QPCT: variants seen among roughly 807,000 people sequenced by gnomAD.
QPCT encodes EC.
In QPCT, 44 loss-of-function variants were observed where a neutral mutation model predicts 43.4. The observed-to-expected ratio is 1.01, with a 90% CI of 0.80 to 1.30. The LOEUF (loss-of-function observed/expected upper bound fraction) is 1.30. Among genes scored for constraint, QPCT ranks in the 50% most tolerant of loss-of-function variants. QPCT has a pLI of 0.00. For missense variants in QPCT, 526 were observed against 436.5 expected (o/e 1.21, Z -1.83); for synonymous variants, 168 against 168.4 (o/e 1.00, Z 0.02).
intron 1 of QPCT, among the ~76,000 whole-genome samples, chr2:37,346,483 T>C (rs1479790836): frequency 6.6e-6 from 1 of 152,188 alleles, no homozygotes; most frequent in East Asian, 1.9e-4. Context: ...AGATGGAAAC[T>C]GAACAAACCA....
chr2:37,359,592 C>T lies in QPCT; in HGVS notation c.280C>T (p.Arg94Ter), dbSNP rs754761316. The T allele has an allele frequency of 2.9e-5, 46 of 1,613,562 alleles. No individual in the cohort carries two copies. The highest frequency in any genetic ancestry group is 9.9e-5 in the South Asian group (9 of 91,068). The change falls in exon 3 of 7, where the codon CGA becomes TGA. Residue 94 changes from arginine (R) to a stop codon, truncating the protein, a stop_gained. Coordinates refer to ENST00000338415, the MANE Select transcript of QPCT (RefSeq NM_012413.4). LOFTEE classifies it high-confidence loss of function. ...SYAARQHIMQ[R>*]IQRLQADWVL... is the part of the protein sequence containing the mutation. ...TTGTTTTGATCAGCACATCATGCAG[C>T]GAATTCAGAGGCTTCAGGCTGACTG...
At chr2:37,350,599 C>G (rs1672599389) in intron 1 of QPCT, among the ~76,000 whole-genome samples, 1 of 152,320 alleles carries the variant, frequency 6.6e-6, no homozygotes, top group South Asian at 2.1e-4. Context: ...CAGAGTAAAA[C>G]TAGCATGGGA....
At chr2:37,351,597 C>T (rs1319320611) in intron 1 of QPCT, among the ~76,000 whole-genome samples, 3 of 152,092 alleles carry the variant, frequency 2.0e-5, no homozygotes. Context: ...AATAATGACT[C>T]AGGGCTGGGT....
chr2:37,346,606 G>A (rs1672493826), intron 1 of QPCT, among the ~76,000 whole-genome samples: 3 of 152,300 alleles, frequency 2.0e-5, no homozygotes, highest in Non-Finnish European at 2.9e-5. Flanking sequence ...TTTGAGAAAC[G>A]TCTTTTAAAG....
chr2:37,359,495 G>T (rs1240560383), intron 2 of QPCT, 85 bp from the exon 3 acceptor site: 17 of 1,260,058 alleles, frequency 1.3e-5, no homozygotes, highest in Non-Finnish European at 1.9e-5. Context: ...AATTTGAAAG[G>T]CACTACTTAA....
chr2:37,359,166 C>A (rs1338788901), intron 2 of QPCT, among the ~76,000 whole-genome samples: 2 of 151,772 alleles, frequency 1.3e-5, no homozygotes, highest in Non-Finnish European at 2.9e-5. Flanking sequence ...AGGAGAAAAG[C>A]AAGGGGAGAG....
intron 3 of QPCT, among the ~76,000 whole-genome samples, chr2:37,364,224 G>C (rs1369823010): frequency 6.6e-6 from 1 of 152,160 alleles, no homozygotes; most frequent in African/African-American, 2.4e-5. Flanking sequence ...TGCCCTAGAA[G>C]TTGCTTAAAG....
intron 2 of QPCT, among the ~76,000 whole-genome samples, chr2:37,357,955 A>C (rs1251487575): frequency 6.6e-6 from 1 of 152,204 alleles, no homozygotes; most frequent in Non-Finnish European, 1.5e-5. Context: ...TCCCAGATCT[A>C]AACTGTCTAG....
At chr2:37,368,694 C>T in intron 4 of QPCT, 4 of 470,972 alleles carry the variant, frequency 8.5e-6, no homozygotes, top group Non-Finnish European at 1.8e-5. Flanking sequence ...TGCCCAAGTG[C>T]CCAAAAAGCA....
At position 37,371,431 on chromosome 2, in the gene QPCT, C is replaced by CAAAAA. The variant is rs3050580; in HGVS notation, c.824-908_824-904dup. 1.2e-3 allele frequency among the ~76,000 whole-genome samples: 82 copies of CAAAAA among 69,330 alleles called. 6 individuals carry two copies. Among genetic ancestry groups the CAAAAA allele is most frequent in the East Asian group, 8.8e-3 (20 of 2,280 alleles). The allele number at this position is 69,330 out of a possible 152,430, so 45.5% of individuals were successfully genotyped here. A position where few individuals can be genotyped will look rare whatever the true frequency, so the allele number is the denominator to read the frequency against. On this transcript the variant is annotated intron_variant, in intron 5 of 6. Transcript: ENST00000338415. Reference sequence around the variant, plus strand: ...CCTGGGCGACAGCGAGACTCCATCTCAAAAAAAAAAAAAAAAAAAAAGAAA... The same window carrying CAAAAA: ...CCTGGGCGACAGCGAGACTCCATCTCAAAAAAAAAAAAAAAAAAAAAAAAAAGAAA...
At position 37,347,181 on chromosome 2, in the gene QPCT, CATAT is replaced by C. The variant is rs1183593319; in HGVS notation, c.120+2338_120+2341del. On this transcript the variant is annotated intron_variant, in intron 1 of 6. Coordinates refer to ENST00000338415, the MANE Select transcript of QPCT (RefSeq NM_012413.4). The stretch of plus-strand genomic sequence containing the variant: ...ATATATATAACATATATATATATAA[CATAT>C]ATATATAACATATATATATAACATA... Among the ~76,000 whole-genome samples the C allele has an allele frequency of 1.6e-4, 6 of 36,796 alleles. 1 individual carries two copies. The highest frequency in any genetic ancestry group is 2.1e-4 in the Non-Finnish European group (5 of 23,692). 24.1% of individuals were successfully genotyped at this position (36,796 alleles called of 152,430 possible). A position where few individuals can be genotyped will look rare whatever the true frequency, so the allele number is the denominator to read the frequency against.
chr2:37,345,284 G>A (rs1384584565), intron 1 of QPCT, among the ~76,000 whole-genome samples: 10 of 146,210 alleles, frequency 6.8e-5, no homozygotes, highest in Admixed American at 6.8e-4. Context: ...CCCCCCCGCT[G>A]CTTCATCCAA....
intron 1 of QPCT, among the ~76,000 whole-genome samples, chr2:37,348,003 T>C (rs141699870): frequency 6.6e-6 from 1 of 152,216 alleles, no homozygotes; most frequent in Admixed American, 6.5e-5. Context: ...TATTCAGAGA[T>C]AATGGCTATT....
At chr2:37,349,726 A>T (rs1050852250) in intron 1 of QPCT, among the ~76,000 whole-genome samples, 9 of 152,200 alleles carry the variant, frequency 5.9e-5, no homozygotes, top group Non-Finnish European at 1.2e-4. Context: ...AAGCCCAATA[A>T]CATTGAACCA....
intron 3 of QPCT, among the ~76,000 whole-genome samples, chr2:37,364,112 C>A (rs1376465684): frequency 1.3e-5 from 2 of 152,114 alleles, no homozygotes; most frequent in African/African-American, 4.8e-5. Context: ...AAATAATTTG[C>A]AACCCAGAAT....
At chr2:37,349,897 G>T (rs975881970) in intron 1 of QPCT, among the ~76,000 whole-genome samples, 1 of 152,092 alleles carries the variant, frequency 6.6e-6, no homozygotes, top group African/African-American at 2.4e-5. Flanking sequence ...TAGAAAGATA[G>T]TTCATCTGTT....
At chr2:37,363,659 TAA>T (rs58100358) in intron 3 of QPCT, among the ~76,000 whole-genome samples, 25 of 79,448 alleles carry the variant, frequency 3.1e-4, no homozygotes, top group South Asian at 8.2e-4. Context: ...TTTTAAAATG[TAA>T]AAAAAAAAAA....
intron 2 of QPCT, 71 bp downstream of exon 2, chr2:37,353,006 C>A: frequency 6.6e-7 from 1 of 1,518,356 alleles, no homozygotes; most frequent in South Asian, 1.3e-5. Context: ...AATGTTATGG[C>A]TGAAGTTCTG....
intron 1 of QPCT, among the ~76,000 whole-genome samples, chr2:37,346,799 A>G (rs1046817305): frequency 6.6e-6 from 1 of 152,094 alleles, no homozygotes; most frequent in African/African-American, 2.4e-5. Flanking sequence ...ATCGGTCCAC[A>G]CTAAAATATG....
Sources: gnomAD v4.1 joint callset for allele counts (sites outside exome capture counted in the v4.1 genomes callset) on GRCh38, gnomAD v4.1.1 for gene constraint, MANE v1.5 for transcripts, NCBI Gene and HGNC (gene_info 2026-07-23, HGNC 2026-07-21) for gene names.